EYS: variants seen among roughly 807,000 people sequenced by gnomAD.
EYS encodes EGF-like photoreceptor maintenance factor, also known as protein eyes shut homolog.
EYS carries 250 observed loss-of-function variants against 282.1 expected under a neutral mutation model. The ratio of observed to expected loss-of-function variants is 0.89; its 90% CI spans 0.80 to 0.98. The LOEUF (loss-of-function observed/expected upper bound fraction) is 0.98, where lower values mean the gene tolerates loss of function less well. Ranked by LOEUF, EYS falls within the 50% of genes least tolerant of loss-of-function variation. The pLI is 0.00. For synonymous variants in EYS, 1,355 were observed against 1,282.9 expected (o/e 1.06, Z -1.20); for missense variants, 4,016 against 3,709.0 (o/e 1.08, Z -2.15).
At chr6:64,765,428 C>A (rs188177184) in intron 22 of EYS, among the ~76,000 whole-genome samples, 228 of 152,280 alleles carry the variant, frequency 1.5e-3, no homozygotes, top group African/African-American at 5.4e-3. Flanking sequence ...CAAACTGTTC[C>A]AGCCTCTGCC....
chr6:65,075,226 A>C (rs1774013655), intron 12 of EYS, among the ~76,000 whole-genome samples: 1 of 151,950 alleles, frequency 6.6e-6, no homozygotes, highest in African/African-American at 2.4e-5. Context: ...TTGAAAACCA[A>C]GGGTGTAATA....
chr6:64,161,797 T>C (rs982199768), intron 31 of EYS, among the ~76,000 whole-genome samples: 1 of 152,166 alleles, frequency 6.6e-6, no homozygotes, highest in African/African-American at 2.4e-5. Context: ...TCTCTGTATA[T>C]AGGTGGAGAG....
intron 5 of EYS, among the ~76,000 whole-genome samples, chr6:65,437,512 T>C (rs1440957146): frequency 6.6e-6 from 1 of 152,158 alleles, no homozygotes; most frequent in Non-Finnish European, 1.5e-5. Flanking sequence ...AAAATAAAGA[T>C]ACTAATTTAG....
chr6:64,932,062 A>G (rs1290155498), intron 15 of EYS, among the ~76,000 whole-genome samples: 1 of 152,128 alleles, frequency 6.6e-6, no homozygotes, highest in African/African-American at 2.4e-5. Context: ...TAAATGAACT[A>G]AAGGCTTGAA....
chr6:64,045,837 G>A (rs1053642062), intron 33 of EYS, among the ~76,000 whole-genome samples: 3 of 147,944 alleles, frequency 2.0e-5, no homozygotes, highest in African/African-American at 7.4e-5. Flanking sequence ...ATGTATATAT[G>A]CATAGATATG....
chr6:64,664,017 C>T (rs557476221), intron 22 of EYS, among the ~76,000 whole-genome samples: 1 of 152,314 alleles, frequency 6.6e-6, no homozygotes, highest in African/African-American at 2.4e-5. Context: ...GGATTAGAAG[C>T]GCAGCAGACA....
Position 65,392,727 on chromosome 6 carries a change from C to T in EYS, c.1185-8227G>A, listed in dbSNP as rs549526241. Among the ~76,000 whole-genome samples the T allele has an allele frequency of 4.3e-3, 647 of 151,830 alleles. 11 individuals are homozygous for T. Among genetic ancestry groups the T allele is most frequent in the African/African-American group, 0.015 (616 of 41,504 alleles). ...GAACACTTTTACACTGTTGGTGGGACTGTAAACTAGTTCAACCATTGTGGA... is the reference window on the plus strand; with the variant it reads ...GAACACTTTTACACTGTTGGTGGGATTGTAAACTAGTTCAACCATTGTGGA... On this transcript the variant is annotated intron_variant, in intron 7 of 42. Coordinates refer to ENST00000503581, the MANE Select transcript of EYS (RefSeq NM_001142800.2).
At chr6:63,938,989 C>T (rs1186109996) in intron 35 of EYS, among the ~76,000 whole-genome samples, 1 of 152,128 alleles carries the variant, frequency 6.6e-6, no homozygotes, top group Admixed American at 6.5e-5. Flanking sequence ...TCTTAAAAGT[C>T]ATTAAACAAT....
At chr6:65,164,647 C>A (rs1353892845) in intron 12 of EYS, among the ~76,000 whole-genome samples, 1 of 151,290 alleles carries the variant, frequency 6.6e-6, no homozygotes, top group East Asian at 2.0e-4. Context: ...ATCTCTAGGG[C>A]TGTCATAACA....
intron 35 of EYS, among the ~76,000 whole-genome samples, chr6:63,900,891 A>T (rs1196044735): frequency 6.6e-6 from 1 of 152,238 alleles, no homozygotes; most frequent in African/African-American, 2.4e-5. Context: ...TTACTAAACA[A>T]ATGGAAGAAA....
chr6:64,939,971 C>T (rs1463644195), intron 15 of EYS, among the ~76,000 whole-genome samples: 1 of 151,940 alleles, frequency 6.6e-6, no homozygotes, highest in Non-Finnish European at 1.5e-5. Context: ...ACAAAACAAT[C>T]CCCTGTCATG....
intron 31 of EYS, among the ~76,000 whole-genome samples, chr6:64,159,683 G>A (rs184193855): frequency 8.7e-4 from 131 of 150,996 alleles, no homozygotes; most frequent in African/African-American, 3.2e-3. Flanking sequence ...GAAGCTGATT[G>A]CATTTTAACT....
chr6:64,673,466 C>A (rs1158667040), intron 22 of EYS, among the ~76,000 whole-genome samples: 1 of 152,064 alleles, frequency 6.6e-6, no homozygotes, highest in African/African-American at 2.4e-5. Flanking sequence ...TATCCTAGTG[C>A]CACAATTTCA....
intron 11 of EYS, among the ~76,000 whole-genome samples, chr6:65,310,088 C>A (rs1847236): frequency 0.97 from 147,950 of 152,260 alleles, 72,027 homozygotes; most frequent in East Asian, 1. Flanking sequence ...TCATGCCTGT[C>A]ATCCCAGCAC....
intron 26 of EYS, among the ~76,000 whole-genome samples, chr6:64,451,091 C>A (rs940620380): frequency 1.2e-3 from 182 of 151,956 alleles, no homozygotes; most frequent in African/African-American, 4.3e-3. Context: ...AAAAGATCAA[C>A]AAAATTGATA....
intron 14 of EYS, among the ~76,000 whole-genome samples, chr6:64,972,226 A>G (rs998572353): frequency 6.6e-6 from 1 of 152,176 alleles, no homozygotes; most frequent in Non-Finnish European, 1.5e-5. Flanking sequence ...ATCTGGCAGA[A>G]GAGTTCTGAT....
At chr6:65,595,483 AT>A (rs1281940542) in intron 2 of EYS, among the ~76,000 whole-genome samples, 1 of 151,198 alleles carries the variant, frequency 6.6e-6, no homozygotes, top group Non-Finnish European at 1.5e-5. Context: ...AAAAAAAAAA[AT>A]CCATCATTCA....
At chr6:65,330,558 A>T in intron 11 of EYS, 1 of 982,648 alleles carries the variant, frequency 1.0e-6, no homozygotes, top group Non-Finnish European at 1.2e-6. Flanking sequence ...TAATATGCAG[A>T]CCTGTTTGCA....
intron 33 of EYS, among the ~76,000 whole-genome samples, chr6:64,048,097 G>T (rs766617811): frequency 4.7e-4 from 71 of 152,030 alleles, no homozygotes; most frequent in Non-Finnish European, 9.6e-4. Context: ...GTAGAAACGG[G>T]ATTTTGCCAT....
Sources: gnomAD v4.1 joint callset for allele counts (sites outside exome capture counted in the v4.1 genomes callset) on GRCh38, gnomAD v4.1.1 for gene constraint, MANE v1.5 for transcripts, NCBI Gene and HGNC (gene_info 2026-07-23, HGNC 2026-07-21) for gene names.